The following DNAH7 variants were observed in gnomAD, a reference collection of about 807,000 sequenced individuals.
DNAH7 encodes the protein dynein axonemal heavy chain 7.
Under a neutral mutation model 444.6 loss-of-function variants are expected in DNAH7, and 397 were observed. The ratio of observed to expected loss-of-function variants is 0.89; its 90% CI spans 0.82 to 0.97. The LOEUF is 0.97. Ranked by LOEUF, DNAH7 falls within the 50% of genes least tolerant of loss-of-function variation. DNAH7 has a pLI of 0.00. For synonymous variants in DNAH7, 1,636 were observed against 1,624.4 expected, an observed-to-expected ratio of 1.01 and a Z score of -0.17; for missense variants, 4,902 against 4,800.8, an observed-to-expected ratio of 1.02 and a Z score of -0.62.
At position 195,861,878 on chromosome 2, in the gene DNAH7, T is replaced by C. The variant is rs1700037945; in HGVS notation, c.7575A>G (p.Glu2525=). The stretch of plus-strand genomic sequence containing the variant: ...ACATGTCGATACAGCCATCTCGTAT[T>C]TCCTCTGACATTTCAATTTCTTCCA... The part of the protein sequence containing the change: ...RFLEEIEMSE[E]IRDGCIDMCK... Residue 2525 remains glutamate (E), a synonymous_variant, in exon 42 of 65, where the codon GAA becomes GAG. Coordinates refer to ENST00000312428, the MANE Select transcript of DNAH7 (RefSeq NM_018897.3). 1.1e-5 allele frequency: 17 copies of C among 1,614,010 alleles called. No homozygotes were observed. The highest frequency in any genetic ancestry group is 1.4e-5 in the Non-Finnish European group (17 of 1,179,892).
chr2:195,867,894 T>C (rs565607549), intron 40 of DNAH7, among the ~76,000 whole-genome samples: 46 of 152,310 alleles, frequency 3.0e-4, no homozygotes, highest in African/African-American at 1.0e-3. Flanking sequence ...ATAATATTCA[T>C]GTACAAGTTT....
At chr2:195,972,749 T>C (rs1294008573) in intron 15 of DNAH7, among the ~76,000 whole-genome samples, 1 of 152,088 alleles carries the variant, frequency 6.6e-6, no homozygotes, top group African/African-American at 2.4e-5. Flanking sequence ...GCAGATACTA[T>C]CTGAGTGAAG....
chr2:195,989,825 C>G (rs1607602), intron 12 of DNAH7, among the ~76,000 whole-genome samples: 2,205 of 152,266 alleles, frequency 0.014, 59 homozygotes, highest in African/African-American at 0.05. Context: ...GACACCTGTT[C>G]CCTCTTCACT....
chr2:195,756,076 C>T (rs747717290), intron 62 of DNAH7, 57 bp downstream of exon 62: 43 of 1,524,362 alleles, frequency 2.8e-5, no homozygotes, highest in Middle Eastern at 1.9e-4. Context: ...AGCATTCTGA[C>T]GAAGAAAATG....
intron 42 of DNAH7, among the ~76,000 whole-genome samples, chr2:195,860,008 A>G (rs889155151): frequency 1.3e-5 from 2 of 152,170 alleles, no homozygotes; most frequent in African/African-American, 4.8e-5. Context: ...CAGGATAGGA[A>G]TTCTAGTTGA....
chr2:195,808,657 A>C, intron 53 of DNAH7, 25 bp downstream of exon 53: 1 of 1,606,540 alleles, frequency 6.2e-7, no homozygotes, highest in East Asian at 2.2e-5. Context: ...AAAACATTGG[A>C]ATAAGTGAGA....
Position 196,068,744 on chromosome 2 carries a change from T to A in DNAH7, c.-33A>T. 1 of 1,549,840 alleles carries A rather than the reference T, an allele frequency of 6.5e-7. No homozygotes were observed. Among genetic ancestry groups the A allele is most frequent in the Non-Finnish European group, 8.7e-7 (1 of 1,146,774 alleles). ...AGGACGCGCTGGCCTCACCGGTGCT[T>A]CTGGGTTGCTCCTGCCCGCGGAACC... On this transcript the variant is annotated 5_prime_UTR_variant, in exon 1 of 65. Coordinates refer to ENST00000312428, the MANE Select transcript of DNAH7 (RefSeq NM_018897.3).
At chr2:195,759,373 C>T (rs2105917755) in intron 61 of DNAH7, among the ~76,000 whole-genome samples, 1 of 152,208 alleles carries the variant, frequency 6.6e-6, no homozygotes, top group South Asian at 2.1e-4. Flanking sequence ...AGCTCTTGGC[C>T]CTGAATAATA....
intron 48 of DNAH7, among the ~76,000 whole-genome samples, chr2:195,826,104 G>A (rs1697733921): frequency 6.6e-6 from 1 of 152,140 alleles, no homozygotes; most frequent in Non-Finnish European, 1.5e-5. Context: ...TAATGCCACA[G>A]TGAACATCTT....
Position 195,771,686 on chromosome 2 carries a change from A to C in DNAH7, c.11407T>G (p.Cys3803Gly), listed in dbSNP as rs747595567. Residue 3803 changes from cysteine to glycine, a missense_variant, in exon 61 of 65, where the codon TGC becomes GGC. Physicochemically the swap from Cys to Gly is radical, Grantham distance 159 (BLOSUM62 -3). Coordinates refer to ENST00000312428, the MANE Select transcript of DNAH7 (RefSeq NM_018897.3). The stretch of plus-strand genomic sequence containing the variant: ...TTGATTGCTTTTTGAATATTTACGC[A>C]CGAATCTCTTATGGTCTTCAGTAAC... The part of the protein sequence containing the change: ...NKLLKTIRDS[C>G]VNIQKAIKGL... 2.5e-6 allele frequency: 4 copies of C among 1,613,526 alleles called. No homozygotes were observed. The highest frequency in any genetic ancestry group is 1.3e-5 in the African/African-American group (1 of 74,866).
chr2:195,779,633 G>C (rs1295130332), intron 58 of DNAH7, among the ~76,000 whole-genome samples: 1 of 151,658 alleles, frequency 6.6e-6, no homozygotes, highest in Non-Finnish European at 1.5e-5. Flanking sequence ...TTTTGAGTCA[G>C]AGTCTTGCTC....
chr2:195,756,097 A>C (rs763958635), intron 62 of DNAH7, 36 bp downstream of exon 62: 2 of 1,553,496 alleles, frequency 1.3e-6, no homozygotes, highest in Non-Finnish European at 1.7e-6. Context: ...AAACCAGGAG[A>C]AACTTAACAA....
intron 12 of DNAH7, among the ~76,000 whole-genome samples, chr2:195,994,024 G>A (rs1693528771): frequency 6.6e-6 from 1 of 152,196 alleles, no homozygotes; most frequent in Non-Finnish European, 1.5e-5. Flanking sequence ...ATGGAGCCTG[G>A]AGAAAAGCAG....
At chr2:195,861,036 T>C (rs1699986789) in intron 42 of DNAH7, among the ~76,000 whole-genome samples, 1 of 152,138 alleles carries the variant, frequency 6.6e-6, no homozygotes, top group South Asian at 2.1e-4. Context: ...AAGGGAAATA[T>C]AAATAATGTA....
intron 19 of DNAH7, among the ~76,000 whole-genome samples, chr2:195,942,412 A>G (rs2125442126): frequency 6.6e-6 from 1 of 151,496 alleles, no homozygotes; most frequent in East Asian, 1.9e-4. Flanking sequence ...GATGAAGAGG[A>G]GGAAGAGGAA....
chr2:196,001,950 G>A (rs1290562933), intron 10 of DNAH7, 92 bp from the exon 11 acceptor site: 6 of 1,000,818 alleles, frequency 6.0e-6, no homozygotes, highest in African/African-American at 3.3e-5. Flanking sequence ...GACATCTAAA[G>A]GTCTTCATAG....
intron 63 of DNAH7, among the ~76,000 whole-genome samples, chr2:195,753,420 T>G (rs189277161): frequency 6.6e-6 from 1 of 152,332 alleles, no homozygotes; most frequent in Non-Finnish European, 1.5e-5. Context: ...GCGATTATCA[T>G]ACACTGTTGT....
In DNAH7 at chr2:195,850,466, A is replaced by T. The variant is rs181075463; in HGVS notation, c.8781+2877T>A. Among the ~76,000 whole-genome samples the T allele has an allele frequency of 3.5e-3, 529 of 152,282 alleles. 3 individuals are homozygous for T. Among genetic ancestry groups the T allele is most frequent in the African/African-American group, 0.012 (510 of 41,554 alleles). On this transcript the variant is annotated intron_variant, in intron 46 of 64. Transcript: ENST00000312428. Reference sequence around the variant, plus strand: ...CCAGGGCTTGTATATTCATAATAGCACTGTAGGATTCTGTTTTGGAAAATG... The same window carrying T: ...CCAGGGCTTGTATATTCATAATAGCTCTGTAGGATTCTGTTTTGGAAAATG...
At chr2:195,762,973 G>C (rs1454645600) in intron 61 of DNAH7, among the ~76,000 whole-genome samples, 1 of 151,972 alleles carries the variant, frequency 6.6e-6, no homozygotes, top group Non-Finnish European at 1.5e-5. Flanking sequence ...CACAAAAAAA[G>C]TTTCAAAATA....
Sources: gnomAD v4.1 joint callset for allele counts (sites outside exome capture counted in the v4.1 genomes callset) on GRCh38, gnomAD v4.1.1 for gene constraint, MANE v1.5 for transcripts, NCBI Gene and HGNC (gene_info 2026-07-23, HGNC 2026-07-21) for gene names.